Variants in WNK1 observed in about 807,000 individuals in gnomAD.
WNK1 encodes serine/threonine-protein kinase WNK1.
WNK1 carries 38 observed loss-of-function variants against 222.8 expected under a neutral mutation model. That is an observed-to-expected ratio of 0.17 (90% CI 0.13 to 0.22). The LOEUF (loss-of-function observed/expected upper bound fraction) is 0.22, where lower values mean the gene tolerates loss of function less well. Ranked by LOEUF, WNK1 falls within the 10% of genes least tolerant of loss-of-function variation. The pLI is 1.00. For synonymous variants in WNK1, 1,090 were observed against 1,092.9 expected, an observed-to-expected ratio of 1.00 and a Z score of 0.05; for missense variants, 2,348 against 2,918.4, an observed-to-expected ratio of 0.80 and a Z score of 4.50.
Position 910,036 on chromosome 12 carries a change from G to A in WNK1, c.*1244G>A, listed in dbSNP as rs933894210. 10 of 152,064 alleles carry A rather than the reference G, an allele frequency of 6.6e-5. No individual in the cohort carries two copies. Among genetic ancestry groups the A allele is most frequent in the African/African-American group, 2.2e-4 (9 of 41,378 alleles). The allele number at this position is 152,064 out of a possible 1,614,324, so 9.4% of individuals were successfully genotyped here. ...AAGACTAAAGAATGAGGAAACAAAC[G>A]TGATGCCTGGCCAGTGACTGTCATA... On this transcript the variant is annotated 3_prime_UTR_variant, in exon 28 of 28. Transcript: ENST00000315939.
At position 889,172 on chromosome 12, in the gene WNK1, A is replaced by C; in HGVS notation, c.5397A>C (p.Gln1799His). The C allele has an allele frequency of 1.2e-6, 2 of 1,614,150 alleles. No homozygotes were observed. The highest frequency in any genetic ancestry group is 1.7e-6 in the Non-Finnish European group (2 of 1,180,004). ...AACCTCTAGAGGATCTTGATGCTCA[A>C]TTGAGAAGAACACTTAGTCCAGAGA... Reference protein sequence around the residue: ...SQQPLEDLDAQLRRTLSPEMI... With the variant: ...SQQPLEDLDAHLRRTLSPEMI... The change falls in exon 21 of 28, where the codon CAA becomes CAC. Residue 1799 changes from glutamine to histidine, a missense_variant. This residue lies in a region of WNK1 where 1,144 missense variants were observed against 1,273.6 expected (regional missense o/e 0.90). Transcript: ENST00000315939.
intron 6 of WNK1, among the ~76,000 whole-genome samples, chr12:860,665 G>C (rs1258145081): frequency 6.6e-6 from 1 of 152,226 alleles, no homozygotes; most frequent in East Asian, 1.9e-4. Context: ...TAGTGGTTAC[G>C]TGTGAGGGGG....
At chr12:816,487 C>G (rs575305038) in intron 2 of WNK1, among the ~76,000 whole-genome samples, 1 of 151,840 alleles carries the variant, frequency 6.6e-6, no homozygotes, top group Admixed American at 6.6e-5. Context: ...ATTTTGTTGC[C>G]CAGGCTGCTC....
intron 9 of WNK1, among the ~76,000 whole-genome samples, chr12:876,072 A>G (rs1279363098): frequency 1.3e-5 from 2 of 152,230 alleles, no homozygotes; most frequent in Admixed American, 1.3e-4. Context: ...AATTTCATGT[A>G]ATTCAGCAGC....
chr12:904,081 G>A (rs1034209585), intron 26 of WNK1, among the ~76,000 whole-genome samples: 8 of 152,236 alleles, frequency 5.3e-5, no homozygotes. Context: ...GGAGAAACAG[G>A]AAGTGGGACA....
intron 23 of WNK1, 57 bp downstream of exon 23, chr12:894,692 A>G: frequency 6.6e-7 from 1 of 1,518,302 alleles, no homozygotes; most frequent in Admixed American, 1.7e-5. Flanking sequence ...TTGTCTATAT[A>G]ATAAAATTAC....
intron 21 of WNK1, among the ~76,000 whole-genome samples, chr12:890,189 A>G (rs1325720664): frequency 2.6e-5 from 4 of 151,784 alleles, no homozygotes; most frequent in Admixed American, 2.0e-4. Context: ...CTGACCTCAA[A>G]TGATCTGCCC....
chr12:807,494 T>C (rs942726878), intron 1 of WNK1, among the ~76,000 whole-genome samples: 3 of 152,066 alleles, frequency 2.0e-5, no homozygotes, highest in South Asian at 2.1e-4. Context: ...ACAACCACTT[T>C]TGCTTTCCTG....
intron 1 of WNK1, among the ~76,000 whole-genome samples, chr12:788,704 T>C (rs1234992289): frequency 6.6e-6 from 1 of 151,736 alleles, no homozygotes; most frequent in Non-Finnish European, 1.5e-5. Flanking sequence ...CTGGCCAAAA[T>C]GGTGAAACCC....
At chr12:886,337 T>C (rs1303346321) in intron 19 of WNK1, among the ~76,000 whole-genome samples, 1 of 152,168 alleles carries the variant, frequency 6.6e-6, no homozygotes, top group African/African-American at 2.4e-5. Context: ...TCGGGTAAAA[T>C]ACAGGTATTT....
chr12:753,373 C>T lies in WNK1; in HGVS notation c.-193C>T, dbSNP rs1939481722. The T allele has an allele frequency of 1.4e-6, 1 of 709,592 alleles. No homozygotes were observed. The highest frequency in any genetic ancestry group is 1.9e-5 in the South Asian group (1 of 52,884). 44.0% of individuals were successfully genotyped at this position (709,592 alleles called of 1,614,324 possible). A position where few individuals can be genotyped will look rare whatever the true frequency, so the allele number is the denominator to read the frequency against. On this transcript the variant is annotated 5_prime_UTR_variant, in exon 1 of 28. Transcript: ENST00000315939. The surrounding 1 kb of genome is among the most constrained non-coding windows in gnomAD (Gnocchi z 5.2). ...GAGCCGCAGCAGCCTCGGTGCCAGC[C>T]CCCGCCGCAGCTGGGCCCAGCGGTC... is the stretch of plus-strand genomic sequence containing the variant.
chr12:886,749 C>T (rs1267250791), intron 19 of WNK1, among the ~76,000 whole-genome samples: 1 of 152,178 alleles, frequency 6.6e-6, no homozygotes, highest in Non-Finnish European at 1.5e-5. Flanking sequence ...GCAGAATCTT[C>T]ACTCAGATAA....
chr12:804,395 T>C (rs544508544), intron 1 of WNK1, among the ~76,000 whole-genome samples: 1 of 152,270 alleles, frequency 6.6e-6, no homozygotes, highest in South Asian at 2.1e-4. Flanking sequence ...TCTAGAACTT[T>C]TTCAGCATCC....
At chr12:900,369 C>T (rs1955154290) in intron 25 of WNK1, 107 bp from the exon 26 acceptor site, 13 of 1,202,110 alleles carry the variant, frequency 1.1e-5, no homozygotes, top group Non-Finnish European at 1.6e-5. Context: ...AGCTTTTGAC[C>T]CATCATTCAT....
Position 908,029 on chromosome 12 carries a change from T to A in WNK1, c.6826T>A (p.Tyr2276Asn), listed in dbSNP as rs771046977. 1 of 1,614,052 alleles carries A rather than the reference T, an allele frequency of 6.2e-7. No individual in the cohort carries two copies. The highest frequency in any genetic ancestry group is 1.1e-5 in the South Asian group (1 of 91,076). Residue 2276 changes from tyrosine (Y) to asparagine (N), a missense_variant, in exon 27 of 28, where the codon TAC (tyrosine) becomes AAC (asparagine). By Grantham distance (143) the Tyr-to-Asn change is moderately radical (BLOSUM62 -2). Transcript: ENST00000315939. ...GRRGSKGHMN[Y>N]EGPGMARKFS... is the part of the protein sequence containing the mutation. ...GAGAGGAAGCAAAGGGCACATGAAT[T>A]ACGAGGTAAGTCTCTCTTTTGCCGC... is the stretch of plus-strand genomic sequence containing the variant.
intron 23 of WNK1, among the ~76,000 whole-genome samples, 165 bp downstream of exon 23, chr12:894,800 C>T (rs999399171): frequency 6.6e-6 from 1 of 152,230 alleles, no homozygotes; most frequent in Middle Eastern, 3.4e-3. Flanking sequence ...GTAATATATA[C>T]TAAATAAAAT....
chr12:908,105 G>A, intron 27 of WNK1, 71 bp downstream of exon 27: 1 of 1,548,828 alleles, frequency 6.5e-7, no homozygotes, highest in Non-Finnish European at 8.9e-7. Context: ...CAACTAAGCT[G>A]CTGCTTAACG....
intron 1 of WNK1, among the ~76,000 whole-genome samples, chr12:791,257 A>G (rs958668354): frequency 6.6e-6 from 1 of 151,346 alleles, no homozygotes; most frequent in Non-Finnish European, 1.5e-5. Context: ...ACACACACAC[A>G]TACACAAAAT....
At chr12:874,357 G>C (rs1197169970) in intron 9 of WNK1, among the ~76,000 whole-genome samples, 2 of 143,624 alleles carry the variant, frequency 1.4e-5, no homozygotes, top group Non-Finnish European at 3.1e-5. Flanking sequence ...ATCCAGAGGT[G>C]ACACTTCTCC....
Sources: allele counts gnomAD v4.1 joint callset (sites outside exome capture counted in the v4.1 genomes callset), GRCh38; gene constraint gnomAD v4.1.1; regional missense constraint gnomAD v4.1.1; non-coding constraint Gnocchi (gnomAD v3.1); transcripts MANE v1.5; gene names NCBI Gene and HGNC (gene_info 2026-07-23, HGNC 2026-07-21).